ACTR3C: variants seen among roughly 807,000 people sequenced by gnomAD.
ACTR3C encodes actin-related protein 3C.
A neutral mutation model predicts 26.3 loss-of-function variants in ACTR3C; 18 were observed. The observed-to-expected ratio is 0.68, with a 90% CI of 0.47 to 1.01. The LOEUF is 1.01. ACTR3C is among the 50% of genes least tolerant of loss of function. The pLI is 0.00. For synonymous variants in ACTR3C, 55 were observed against 94.5 expected (o/e 0.58, Z 2.42); for missense variants, 184 against 250.7 (o/e 0.73, Z 1.80).
At chr7:150,031,541 G>C in the ACTR3C span, among the ~76,000 whole-genome samples, 1 of 152,146 alleles carries the variant, frequency 6.6e-6, no homozygotes, top group South Asian at 2.1e-4. Flanking sequence ...CAGTCCCTGA[G>C]TAAAACCTGA....
the ACTR3C span, among the ~76,000 whole-genome samples, chr7:150,020,434 C>T: frequency 1.3e-5 from 2 of 152,064 alleles, no homozygotes; most frequent in Non-Finnish European, 2.9e-5. Flanking sequence ...GAGCTGTATT[C>T]CTCATTAAGT....
the ACTR3C span, among the ~76,000 whole-genome samples, chr7:149,901,173 G>A: frequency 6.6e-6 from 1 of 151,662 alleles, no homozygotes; most frequent in Non-Finnish European, 1.5e-5. Context: ...TGAAAACAGA[G>A]TAGTGGTTAA....
chr7:150,050,458 A>T, the ACTR3C span, among the ~76,000 whole-genome samples: 1 of 152,232 alleles, frequency 6.6e-6, no homozygotes, highest in South Asian at 2.1e-4. Context: ...TTAAAATCTC[A>T]AATTATCTAA....
At chr7:150,223,106 C>A in the ACTR3C span, among the ~76,000 whole-genome samples, 1 of 152,226 alleles carries the variant, frequency 6.6e-6, no homozygotes, top group Non-Finnish European at 1.5e-5. Context: ...AAACTACCCC[C>A]ATAATCAACA....
the ACTR3C span, among the ~76,000 whole-genome samples, chr7:150,201,663 C>A: frequency 6.6e-6 from 1 of 150,950 alleles, no homozygotes; most frequent in South Asian, 2.1e-4. Context: ...GAGGCTGAGG[C>A]AGGAGAATCA....
chr7:149,965,251 A>G, the ACTR3C span, among the ~76,000 whole-genome samples: 2 of 128,870 alleles, frequency 1.6e-5, no homozygotes, highest in Non-Finnish European at 3.3e-5. Context: ...TTACATAAGA[A>G]ACATAGCTTC....
chr7:150,249,027 G>C lies in ACTR3C; in HGVS notation c.592C>G (p.Gln198Glu), dbSNP rs1369980216. The C allele has an allele frequency of 4.4e-6, 3 of 687,166 alleles. No individual in the cohort carries two copies. Among genetic ancestry groups the C allele is most frequent in the Admixed American group, 4.3e-5 (2 of 46,140 alleles). The allele number at this position is 687,166 out of a possible 1,614,324, so 42.6% of individuals were successfully genotyped here. Residue 198 changes from glutamine to glutamate, a missense_variant, in exon 7 of 8, where the codon CAA becomes GAA. Physicochemically the swap from Gln to Glu is conservative, Grantham distance 29. Coordinates refer to ENST00000683684, the MANE Select transcript of ACTR3C (RefSeq NM_001164458.2). Reference sequence around the variant, plus strand: ...GACAGAGGATGGAATCCGTGACCTTGAGGATAGCTCAGTGGAATTTGTTCC... The same window carrying C: ...GACAGAGGATGGAATCCGTGACCTTCAGGATAGCTCAGTGGAATTTGTTCC... ...KMEQIPLSYPQGHGFHPLSPP... is the reference protein window; with the variant it reads ...KMEQIPLSYPEGHGFHPLSPP...
At chr7:150,055,730 A>G in the ACTR3C span, among the ~76,000 whole-genome samples, 2 of 152,226 alleles carry the variant, frequency 1.3e-5, no homozygotes, top group Non-Finnish European at 2.9e-5. Context: ...TTTGTACCTT[A>G]GCAGAGAGCC....
At chr7:150,041,547 G>C in the ACTR3C span, 1 of 214,896 alleles carries the variant, frequency 4.7e-6, no homozygotes, top group African/African-American at 2.5e-5. Flanking sequence ...CCGCCTCGCG[G>C]GGGGTGCCTC....
chr7:150,300,937 T>C (rs148511218), intron 1 of ACTR3C, among the ~76,000 whole-genome samples: 1,987 of 152,262 alleles, frequency 0.013, 48 homozygotes, highest in African/African-American at 0.045. Context: ...GAGTAAGAGA[T>C]GCAGATTCCA....
chr7:150,164,058 T>C, the ACTR3C span, among the ~76,000 whole-genome samples: 1 of 152,102 alleles, frequency 6.6e-6, no homozygotes, highest in Non-Finnish European at 1.5e-5. Flanking sequence ...GCTGGCATCA[T>C]AGAAGAACAT....
At chr7:149,884,226 G>C in the ACTR3C span, among the ~76,000 whole-genome samples, 10 of 152,320 alleles carry the variant, frequency 6.6e-5, no homozygotes, top group African/African-American at 2.4e-4. Flanking sequence ...AATGAAATCA[G>C]CTGGCAGGCA....
the ACTR3C span, among the ~76,000 whole-genome samples, chr7:149,941,907 G>A: frequency 6.6e-6 from 1 of 152,104 alleles, no homozygotes; most frequent in African/African-American, 2.4e-5. Flanking sequence ...CAAGGACACT[G>A]TGCCCACAGC....
At chr7:149,977,945 AAC>A in the ACTR3C span, among the ~76,000 whole-genome samples, 1 of 151,324 alleles carries the variant, frequency 6.6e-6, no homozygotes, top group Non-Finnish European at 1.5e-5. Flanking sequence ...GGGAAGAAGA[AAC>A]AGTGTATGTA....
At chr7:150,055,154 A>C in the ACTR3C span, among the ~76,000 whole-genome samples, 1 of 152,362 alleles carries the variant, frequency 6.6e-6, no homozygotes, top group East Asian at 1.9e-4. Context: ...TTTCTGGACC[A>C]ACAGTGAAAG....
the ACTR3C span, among the ~76,000 whole-genome samples, chr7:149,907,478 T>TTCTCTCTCTCTCTCTCTC: frequency 3.6e-4 from 35 of 97,666 alleles, 1 homozygote; most frequent in East Asian, 1.5e-3. Flanking sequence ...CTCTCTTCTC[T>TTCTCTCTCTCTCTCTCTC]TCTCTCTCTC....
intron 4 of ACTR3C, 120 bp from the exon 5 acceptor site, chr7:150,286,660 G>A (rs1363902738): frequency 3.7e-5 from 50 of 1,338,088 alleles, no homozygotes; most frequent in Admixed American, 3.4e-4. Context: ...CGCCCCCACC[G>A]TTACTCTAGT....
At chr7:150,103,439 G>A in the ACTR3C span, among the ~76,000 whole-genome samples, 23 of 152,096 alleles carry the variant, frequency 1.5e-4, no homozygotes, top group African/African-American at 4.8e-4. Flanking sequence ...CAGCGCTGGT[G>A]AGTGGGGAGT....
At chr7:150,271,558 G>A (rs1414406906) in intron 6 of ACTR3C, among the ~76,000 whole-genome samples, 1 of 149,120 alleles carries the variant, frequency 6.7e-6, no homozygotes, top group Non-Finnish European at 1.5e-5. Context: ...GTGTATATGT[G>A]CCACATTTTG....
Sources: gnomAD v4.1 joint callset for allele counts (sites outside exome capture counted in the v4.1 genomes callset) on GRCh38, gnomAD v4.1.1 for gene constraint, MANE v1.5 for transcripts, NCBI Gene and HGNC (gene_info 2026-07-23, HGNC 2026-07-21) for gene names.